Variants in GPBP1 observed in about 807,000 individuals in gnomAD.
GPBP1 encodes vasculin.
A neutral mutation model predicts 56.5 loss-of-function variants in GPBP1; 13 were observed. The ratio of observed to expected loss-of-function variants is 0.23; its 90% CI spans 0.15 to 0.37. The LOEUF (loss-of-function observed/expected upper bound fraction) is 0.37. GPBP1 is among the 10% of genes least tolerant of loss of function. The pLI is 1.00. For synonymous variants in GPBP1, 204 were observed against 188.9 expected, an observed-to-expected ratio of 1.08 and a Z score of -0.66; for missense variants, 477 against 572.3, an observed-to-expected ratio of 0.83 and a Z score of 1.70.
chr5:57,178,063 C>T (rs887820937), intron 2 of GPBP1, among the ~76,000 whole-genome samples: 2 of 152,068 alleles, frequency 1.3e-5, no homozygotes, highest in Admixed American at 6.5e-5. Context: ...TGAGTGTCTA[C>T]CTTGATTTAT....
chr5:57,203,159 A>AT lies in GPBP1; in HGVS notation c.-57-10912dup, dbSNP rs576248467. Among the ~76,000 whole-genome samples the AT allele has an allele frequency of 2.2e-4, 34 of 152,310 alleles. No individual in the cohort carries two copies. The East Asian group carries it at 3.7e-3, about 16-fold the overall frequency. The stretch of plus-strand genomic sequence containing the variant: ...GTCTCAAAAATTGAGAATTAAAAAC[A>AT]TTTGTTTTCAGAATATAATGCTTTT... On this transcript the variant is annotated intron_variant, in intron 2 of 11. Transcript: ENST00000506184.
rs552553700 is a variant in GPBP1 at position 57,234,084 on chromosome 5, G to C, written c.412-1882G>C. ...ACCGCCAAAATCTTAATTCTGTTTAGTTTGTATCTCTGAAGGAATCATGGT... is the reference window on the plus strand; with the variant it reads ...ACCGCCAAAATCTTAATTCTGTTTACTTTGTATCTCTGAAGGAATCATGGT... On this transcript the variant is annotated intron_variant, in intron 5 of 11. Transcript: ENST00000506184. Among the ~76,000 whole-genome samples, 61 of 152,100 alleles carry C rather than the reference G, an allele frequency of 4.0e-4. 2 individuals are homozygous for C. In the South Asian group the frequency reaches 0.013, roughly 32 times the overall value.
At chr5:57,210,461 T>G (rs747843099) in intron 2 of GPBP1, among the ~76,000 whole-genome samples, 1 of 152,224 alleles carries the variant, frequency 6.6e-6, no homozygotes, top group African/African-American at 2.4e-5. Flanking sequence ...AAATTTAGTA[T>G]TGGGGGGCCA....
intron 2 of GPBP1, among the ~76,000 whole-genome samples, chr5:57,209,977 T>C (rs182850318): frequency 1.5e-3 from 229 of 152,306 alleles, no homozygotes; most frequent in Non-Finnish European, 2.6e-3. Context: ...TTGATGGTCT[T>C]TGTGATTTTA....
intron 10 of GPBP1, among the ~76,000 whole-genome samples, chr5:57,256,711 G>GA (rs1333916751): frequency 1.3e-5 from 2 of 152,166 alleles, no homozygotes; most frequent in African/African-American, 4.8e-5. Context: ...TGCACTTGCT[G>GA]AAAAAGATCC....
chr5:57,223,012 T>C (rs1212113962), intron 3 of GPBP1, among the ~76,000 whole-genome samples: 1 of 152,204 alleles, frequency 6.6e-6, no homozygotes, highest in African/African-American at 2.4e-5. Context: ...TCCTTTCATA[T>C]TGGGTTATGT....
chr5:57,203,285 CAAAT>C (rs564717213), intron 2 of GPBP1, among the ~76,000 whole-genome samples: 80 of 152,136 alleles, frequency 5.3e-4, no homozygotes, highest in African/African-American at 1.6e-3. Context: ...AATAATTTAA[CAAAT>C]AGAGTAATTT....
intron 2 of GPBP1, among the ~76,000 whole-genome samples, chr5:57,194,217 C>T (rs772165189): frequency 9.9e-5 from 15 of 152,006 alleles, no homozygotes; most frequent in Non-Finnish European, 8.8e-5. Context: ...TTATGAGTAG[C>T]GCTAGTGAAT....
At chr5:57,235,464 A>AT (rs1008569936) in intron 5 of GPBP1, among the ~76,000 whole-genome samples, 22 of 152,112 alleles carry the variant, frequency 1.4e-4, no homozygotes, top group African/African-American at 5.3e-4. Context: ...AAGTAAAGGA[A>AT]TAAGAGAATG....
At chr5:57,229,885 T>A (rs896984692) in intron 3 of GPBP1, among the ~76,000 whole-genome samples, 17 of 151,600 alleles carry the variant, frequency 1.1e-4, no homozygotes, top group African/African-American at 3.9e-4. Flanking sequence ...CTTTTTAGAT[T>A]ACTGAGACGA....
At chr5:57,181,443 A>AG (rs1205730206) in intron 2 of GPBP1, among the ~76,000 whole-genome samples, 1 of 151,940 alleles carries the variant, frequency 6.6e-6, no homozygotes, top group East Asian at 1.9e-4. Context: ...TCAAAAAAAA[A>AG]AAAAAGAACC....
Position 57,262,975 on chromosome 5 carries a change from T to A in GPBP1, c.*223T>A. 1 of 384,896 alleles carries A rather than the reference T, an allele frequency of 2.6e-6. No homozygotes were observed. The highest frequency in any genetic ancestry group is 4.7e-6 in the Non-Finnish European group (1 of 214,730). 23.8% of individuals were successfully genotyped at this position (384,896 alleles called of 1,614,324 possible). A position where few individuals can be genotyped will look rare whatever the true frequency, so the allele number is the denominator to read the frequency against. On this transcript the variant is annotated 3_prime_UTR_variant, in exon 12 of 12. Transcript: ENST00000506184. ...TTGTAGGAATGAGGACTTGGGTTGGTCCAACATTGACTTTCTTCATCACTG... is the reference window on the plus strand; with the variant it reads ...TTGTAGGAATGAGGACTTGGGTTGGACCAACATTGACTTTCTTCATCACTG...
chr5:57,245,520 T>C (rs554833058), intron 6 of GPBP1: 11 of 152,338 alleles, frequency 7.2e-5, no homozygotes, highest in Admixed American at 3.3e-4. Flanking sequence ...TTCTAAACTT[T>C]CCAGCTGTGA....
At chr5:57,218,074 CA>C (rs936035046) in intron 3 of GPBP1, among the ~76,000 whole-genome samples, 3 of 151,714 alleles carry the variant, frequency 2.0e-5, no homozygotes, top group Non-Finnish European at 4.4e-5. Flanking sequence ...GAAAAAAAAA[CA>C]AAAAAACCCC....
At chr5:57,250,760 G>A (rs906305485) in intron 9 of GPBP1, among the ~76,000 whole-genome samples, 194 bp from the exon 10 acceptor site, 7 of 151,978 alleles carry the variant, frequency 4.6e-5, no homozygotes, top group African/African-American at 7.3e-5. Context: ...GGCCAGGCTC[G>A]TCGCAAACTC....
intron 10 of GPBP1, 149 bp from the exon 11 acceptor site, chr5:57,261,031 C>A: frequency 2.0e-6 from 1 of 499,846 alleles, no homozygotes; most frequent in East Asian, 3.2e-5. Context: ...GAAAGATACT[C>A]AAAGCCTGAG....
rs578152929 is a variant in GPBP1 at position 57,244,146 on chromosome 5, C to A, written c.479-2154C>A. 2.0e-5 allele frequency among the ~76,000 whole-genome samples: 3 copies of A among 152,320 alleles called. No individual in the cohort carries two copies. The South Asian group carries it at 6.2e-4, about 32-fold the overall frequency. ...TTCTATTTTTATCAAAGTTGCATTT[C>A]TGCCTTCTACCATATCTGGCATTTT... is the stretch of plus-strand genomic sequence containing the variant. On this transcript the variant is annotated intron_variant, in intron 6 of 11. Transcript: ENST00000506184.
chr5:57,178,968 T>A (rs1047673418), intron 2 of GPBP1, among the ~76,000 whole-genome samples: 1 of 150,814 alleles, frequency 6.6e-6, no homozygotes, highest in African/African-American at 2.5e-5. Flanking sequence ...GTGGCATATT[T>A]TAATTAATTC....
At chr5:57,219,779 G>A (rs1262439853) in intron 3 of GPBP1, among the ~76,000 whole-genome samples, 1 of 152,114 alleles carries the variant, frequency 6.6e-6, no homozygotes, top group Non-Finnish European at 1.5e-5. Context: ...TGGGCCGGGT[G>A]CGGTGGCTCA....
Sources: gnomAD v4.1 joint callset for allele counts (sites outside exome capture counted in the v4.1 genomes callset) on GRCh38, gnomAD v4.1.1 for gene constraint, MANE v1.5 for transcripts, NCBI Gene and HGNC (gene_info 2026-07-23, HGNC 2026-07-21) for gene names.